AKT3: variants seen among roughly 807,000 people sequenced by gnomAD.
The protein encoded by AKT3 is RAC-gamma serine/threonine-protein kinase.
AKT3 carries 15 observed loss-of-function variants against 65.3 expected under a neutral mutation model. The ratio of observed to expected loss-of-function variants is 0.23; its 90% CI spans 0.15 to 0.35. The LOEUF is 0.35. Ranked by LOEUF, AKT3 falls within the 10% of genes least tolerant of loss-of-function variation. The pLI, the probability that AKT3 is intolerant of heterozygous loss-of-function variation, is 1.00. For synonymous variants in AKT3, 206 were observed against 183.8 expected (o/e 1.12, Z -0.98); for missense variants, 243 against 576.5 (o/e 0.42, Z 5.92).
Position 243,522,486 on chromosome 1 carries a change from C to T in AKT3, c.1252-10060G>A, listed in dbSNP as rs118140648. ...TAGCCTGAGTAACATAGAGAGACTCCATCTCTACAAAAAAATTTAAAAATT... is the reference window on the plus strand; with the variant it reads ...TAGCCTGAGTAACATAGAGAGACTCTATCTCTACAAAAAAATTTAAAAATT... On this transcript the variant is annotated intron_variant, in intron 12 of 13. Coordinates refer to ENST00000673466, the MANE Select transcript of AKT3 (RefSeq NM_005465.7). Among the ~76,000 whole-genome samples the T allele has an allele frequency of 3.9e-4, 60 of 152,156 alleles. No individual in the cohort carries two copies. The East Asian group carries it at 8.7e-3, about 22-fold the overall frequency.
At chr1:243,623,842 T>C (rs1678949592) in intron 6 of AKT3, among the ~76,000 whole-genome samples, 2 of 152,222 alleles carry the variant, frequency 1.3e-5, no homozygotes, top group South Asian at 4.1e-4. Flanking sequence ...CTCTCATATA[T>C]GTATATGTAT....
intron 3 of AKT3, among the ~76,000 whole-genome samples, chr1:243,682,882 G>C (rs1030861707): frequency 8.5e-5 from 13 of 152,270 alleles, no homozygotes; most frequent in Non-Finnish European, 1.8e-4. Context: ...TGATGATTCT[G>C]TCTTTAATGA....
At chr1:243,613,352 A>G (rs1274945318) in intron 8 of AKT3, among the ~76,000 whole-genome samples, 1 of 152,010 alleles carries the variant, frequency 6.6e-6, no homozygotes, top group African/African-American at 2.4e-5. Flanking sequence ...TTGTGAAACA[A>G]TAAATCTTGT....
intron 6 of AKT3, among the ~76,000 whole-genome samples, chr1:243,619,742 T>C (rs930633178): frequency 3.0e-5 from 3 of 99,324 alleles, no homozygotes; most frequent in African/African-American, 7.8e-5. Context: ...CTTTCATTCA[T>C]TGATGGGCAC....
chr1:243,598,398 T>C (rs1295397447), intron 8 of AKT3, among the ~76,000 whole-genome samples: 11 of 152,236 alleles, frequency 7.2e-5, no homozygotes, highest in Admixed American at 7.2e-4. Context: ...TACATAGTTT[T>C]TTTTTATTGT....
chr1:243,615,314 T>C (rs552835043), intron 6 of AKT3, among the ~76,000 whole-genome samples, 153 bp from the exon 7 acceptor site: 3 of 152,260 alleles, frequency 2.0e-5, no homozygotes, highest in South Asian at 4.1e-4. Context: ...CAGCATTCTC[T>C]CCACCAAAAT....
chr1:243,806,978 G>A (rs1439145149), intron 2 of AKT3, among the ~76,000 whole-genome samples: 1 of 152,102 alleles, frequency 6.6e-6, no homozygotes, highest in Non-Finnish European at 1.5e-5. Context: ...ACTGATTCAG[G>A]CAATATCATC....
chr1:243,839,557 C>A (rs1330772231), intron 2 of AKT3, among the ~76,000 whole-genome samples: 1 of 152,048 alleles, frequency 6.6e-6, no homozygotes, highest in Non-Finnish European at 1.5e-5. Context: ...TTTCAACTGT[C>A]CAGAAAAGTG....
chr1:243,538,826 T>A, intron 12 of AKT3, among the ~76,000 whole-genome samples: 1 of 147,050 alleles, frequency 6.8e-6, no homozygotes, highest in African/African-American at 2.5e-5. Flanking sequence ...CAAGACCCCA[T>A]CTCTTAAAAA....
intron 1 of AKT3, 119 bp downstream of exon 1, chr1:243,849,921 C>T: frequency 1.3e-6 from 1 of 756,190 alleles, no homozygotes; most frequent in African/African-American, 1.9e-5. Flanking sequence ...CCCCGCCTCA[C>T]CCCACCCCGC....
chr1:243,619,944 A>G (rs75707034), intron 6 of AKT3, among the ~76,000 whole-genome samples: 1,877 of 98,488 alleles, frequency 0.019, 334 homozygotes, highest in African/African-American at 0.047. Flanking sequence ...ACAGCATAGG[A>G]GAGTTCCCTT....
chr1:243,573,486 T>C (rs1033881504), intron 8 of AKT3, among the ~76,000 whole-genome samples: 7 of 152,214 alleles, frequency 4.6e-5, no homozygotes, highest in African/African-American at 1.7e-4. Flanking sequence ...GAAACTGATT[T>C]ACGCGAACTT....
At chr1:243,507,831 A>T (rs1459697281) in intron 13 of AKT3, among the ~76,000 whole-genome samples, 1 of 152,206 alleles carries the variant, frequency 6.6e-6, no homozygotes, top group Non-Finnish European at 1.5e-5. Flanking sequence ...TTTTTCTGTA[A>T]GAGGAAGGAG....
chr1:243,693,549 C>T (rs1044538107), intron 3 of AKT3, among the ~76,000 whole-genome samples: 12 of 151,798 alleles, frequency 7.9e-5, no homozygotes, highest in African/African-American at 2.2e-4. Flanking sequence ...CACAGAATGT[C>T]AGGGACAAAA....
At chr1:243,517,505 C>T (rs142170275) in intron 12 of AKT3, among the ~76,000 whole-genome samples, 37 of 152,224 alleles carry the variant, frequency 2.4e-4, no homozygotes, top group Non-Finnish European at 3.7e-4. Context: ...ATAACTAAGA[C>T]GGTTAATACT....
At chr1:243,720,102 C>G (rs376775211) in intron 2 of AKT3, among the ~76,000 whole-genome samples, 12 of 152,238 alleles carry the variant, frequency 7.9e-5, no homozygotes, top group African/African-American at 2.9e-4. Flanking sequence ...CACCTGAGAT[C>G]AGGAGGTCAA....
chr1:243,503,496 T>C lies in AKT3; in HGVS notation c.*1753A>G, dbSNP rs1052835521. The C allele has an allele frequency of 1.7e-5, 4 of 232,796 alleles. No homozygotes were observed. Among genetic ancestry groups the C allele is most frequent in the African/African-American group, 8.8e-5 (4 of 45,218 alleles). The allele number at this position is 232,796 out of a possible 1,614,324, so 14.4% of individuals were successfully genotyped here. ...ACATTTCCATGATCACTCCGCGGAG[T>C]AGGATGGCCTTCTGCTTGCCGCAAG... On this transcript the variant is annotated 3_prime_UTR_variant, in exon 14 of 14. Coordinates refer to ENST00000673466, the MANE Select transcript of AKT3 (RefSeq NM_005465.7).
At chr1:243,630,278 A>G (rs1679507829) in intron 6 of AKT3, among the ~76,000 whole-genome samples, 1 of 152,328 alleles carries the variant, frequency 6.6e-6, no homozygotes, top group Admixed American at 6.5e-5. Flanking sequence ...ATCTCATTTA[A>G]ATATCATCAG....
At chr1:243,786,622 A>G (rs779114377) in intron 2 of AKT3, among the ~76,000 whole-genome samples, 4 of 152,230 alleles carry the variant, frequency 2.6e-5, no homozygotes, top group South Asian at 4.1e-4. Flanking sequence ...ACAAATAAGT[A>G]TGTAATAAGC....
Sources: gnomAD v4.1 joint callset for allele counts (sites outside exome capture counted in the v4.1 genomes callset) on GRCh38, gnomAD v4.1.1 for gene constraint, MANE v1.5 for transcripts, NCBI Gene and HGNC (gene_info 2026-07-23, HGNC 2026-07-21) for gene names.